NKAIN2: variants seen among roughly 807,000 people sequenced by gnomAD.
NKAIN2 encodes sodium/potassium transporting ATPase interacting 2.
A neutral mutation model predicts 32.6 loss-of-function variants in NKAIN2; 14 were observed. The ratio of observed to expected loss-of-function variants is 0.43; its 90% CI spans 0.28 to 0.67. The LOEUF (loss-of-function observed/expected upper bound fraction) is 0.67, where lower values mean the gene tolerates loss of function less well. Among genes scored for constraint, NKAIN2 ranks in the 30% least tolerant of loss-of-function variants. The probability of loss-of-function intolerance (pLI) is 0.17; values close to 1 mark genes in which losing one functional copy is unlikely to be tolerated. For missense variants in NKAIN2, 198 were observed against 258.3 expected, an observed-to-expected ratio of 0.77 and a Z score of 1.60; for synonymous variants, 80 against 87.2, an observed-to-expected ratio of 0.92 and a Z score of 0.46.
At chr6:124,247,115 T>C (rs1328497884) in intron 1 of NKAIN2, among the ~76,000 whole-genome samples, 1 of 152,062 alleles carries the variant, frequency 6.6e-6, no homozygotes, top group Admixed American at 6.6e-5. Flanking sequence ...GAAAAGTTCT[T>C]CACTTTAAGG....
intron 4 of NKAIN2, among the ~76,000 whole-genome samples, chr6:124,693,082 A>C (rs561906318): frequency 6.6e-6 from 1 of 152,320 alleles, no homozygotes; most frequent in East Asian, 1.9e-4. Flanking sequence ...TCCATTCAGA[A>C]GTGTGCTAAG....
At chr6:124,761,090 A>G (rs1778242587) in intron 4 of NKAIN2, among the ~76,000 whole-genome samples, 1 of 152,332 alleles carries the variant, frequency 6.6e-6, no homozygotes, top group Non-Finnish European at 1.5e-5. Context: ...TCAATGTAAG[A>G]GTTTATTGCC....
At chr6:123,920,463 A>G (rs1014494549) in intron 1 of NKAIN2, among the ~76,000 whole-genome samples, 2 of 152,168 alleles carry the variant, frequency 1.3e-5, no homozygotes, top group Non-Finnish European at 2.9e-5. Flanking sequence ...CAGAAGCACA[A>G]AAACCTAGGA....
chr6:124,578,030 GC>G (rs910771045), intron 3 of NKAIN2, among the ~76,000 whole-genome samples: 1 of 152,120 alleles, frequency 6.6e-6, no homozygotes, highest in Non-Finnish European at 1.5e-5. Flanking sequence ...TGATTAAAGA[GC>G]CCTTGGGCCC....
At chr6:124,040,569 TTTA>T (rs1781823675) in intron 1 of NKAIN2, among the ~76,000 whole-genome samples, 1 of 152,026 alleles carries the variant, frequency 6.6e-6, no homozygotes, top group Non-Finnish European at 1.5e-5. Context: ...TTTGTTATTA[TTTA>T]TTATTATTAG....
At chr6:124,545,210 T>A (rs1002071864) in intron 3 of NKAIN2, among the ~76,000 whole-genome samples, 1 of 152,324 alleles carries the variant, frequency 6.6e-6, no homozygotes, top group South Asian at 2.1e-4. Context: ...AGCTTAATTT[T>A]AAGTCATTTG....
intron 1 of NKAIN2, among the ~76,000 whole-genome samples, chr6:124,092,519 T>A (rs942018507): frequency 1.3e-5 from 2 of 152,080 alleles, no homozygotes; most frequent in African/African-American, 4.8e-5. Context: ...CTTTCCTTTG[T>A]GGGGCACTAG....
At chr6:124,368,781 A>G (rs1425330175) in intron 3 of NKAIN2, among the ~76,000 whole-genome samples, 1 of 152,146 alleles carries the variant, frequency 6.6e-6, no homozygotes, top group African/African-American at 2.4e-5. Flanking sequence ...ATGGACTTTT[A>G]TGGTTTTATC....
intron 1 of NKAIN2, among the ~76,000 whole-genome samples, chr6:123,857,696 T>A (rs1454319637): frequency 1.3e-5 from 2 of 152,174 alleles, no homozygotes; most frequent in Non-Finnish European, 2.9e-5. Context: ...CAGTTCAACA[T>A]GCTTAATAAA....
chr6:124,343,240 T>A (rs1798223010), intron 2 of NKAIN2, among the ~76,000 whole-genome samples: 1 of 152,122 alleles, frequency 6.6e-6, no homozygotes, highest in Non-Finnish European at 1.5e-5. Flanking sequence ...TTGTTGGACA[T>A]TTGGGTTGGT....
intron 3 of NKAIN2, among the ~76,000 whole-genome samples, chr6:124,621,476 A>C (rs2114257541): frequency 6.6e-6 from 1 of 152,270 alleles, no homozygotes; most frequent in South Asian, 2.1e-4. Flanking sequence ...GTCTTTTCAG[A>C]GTCAGAAAAT....
chr6:123,942,329 A>C (rs1328972532), intron 1 of NKAIN2, among the ~76,000 whole-genome samples: 1 of 151,010 alleles, frequency 6.6e-6, no homozygotes, highest in Non-Finnish European at 1.5e-5. Context: ...TAAATAAAAG[A>C]GTTAAAGAGT....
chr6:124,212,530 T>C (rs1791238604), intron 1 of NKAIN2, among the ~76,000 whole-genome samples: 1 of 152,018 alleles, frequency 6.6e-6, no homozygotes, highest in Admixed American at 6.6e-5. Context: ...TGAGGCCCTG[T>C]ATGGACCTGT....
intron 3 of NKAIN2, among the ~76,000 whole-genome samples, chr6:124,369,261 A>G (rs1447823613): frequency 5.9e-5 from 9 of 152,188 alleles, no homozygotes; most frequent in Non-Finnish European, 1.2e-4. Flanking sequence ...GTATAGGTTT[A>G]TTATTTATGG....
chr6:124,666,616 G>A (rs1030984413), intron 4 of NKAIN2, among the ~76,000 whole-genome samples: 5 of 152,114 alleles, frequency 3.3e-5, no homozygotes, highest in African/African-American at 1.2e-4. Flanking sequence ...AAAGTCAACA[G>A]TATACAATTA....
intron 1 of NKAIN2, among the ~76,000 whole-genome samples, chr6:123,830,991 C>T (rs1303415187): frequency 6.6e-6 from 1 of 152,138 alleles, no homozygotes; most frequent in Non-Finnish European, 1.5e-5. Flanking sequence ...CTGTAGCTAT[C>T]GGCTTTTGTA....
intron 1 of NKAIN2, among the ~76,000 whole-genome samples, chr6:123,847,438 G>A (rs1775139641): frequency 6.6e-6 from 1 of 152,090 alleles, no homozygotes; most frequent in Non-Finnish European, 1.5e-5. Context: ...CATGTATCCC[G>A]GCGGATGGAA....
intron 4 of NKAIN2, among the ~76,000 whole-genome samples, chr6:124,706,713 C>T (rs1163598788): frequency 6.6e-6 from 1 of 152,158 alleles, no homozygotes; most frequent in African/African-American, 2.4e-5. Flanking sequence ...GCCACAACAA[C>T]ATGGCACCTA....
intron 1 of NKAIN2, among the ~76,000 whole-genome samples, chr6:124,000,744 C>T (rs1047845084): frequency 4.6e-5 from 7 of 152,000 alleles, no homozygotes; most frequent in African/African-American, 1.7e-4. Context: ...CAGAAACATC[C>T]TTGAATTGCT....
Sources: gnomAD v4.1 joint callset for allele counts (sites outside exome capture counted in the v4.1 genomes callset) on GRCh38, gnomAD v4.1.1 for gene constraint, MANE v1.5 for transcripts, NCBI Gene and HGNC (gene_info 2026-07-23, HGNC 2026-07-21) for gene names.